ENPP2: variants seen among roughly 807,000 people sequenced by gnomAD.
The protein encoded by ENPP2 is autotaxin.
ENPP2 carries 51 observed loss-of-function variants against 120.2 expected under a neutral mutation model. The ratio of observed to expected loss-of-function variants is 0.42; its 90% CI spans 0.34 to 0.54. The LOEUF is 0.54. Ranked by LOEUF, ENPP2 falls within the 20% of genes least tolerant of loss-of-function variation. The pLI is 0.04. For missense variants in ENPP2, 920 were observed against 1,066.5 expected, an observed-to-expected ratio of 0.86 and a Z score of 1.91; for synonymous variants, 365 against 366.4, an observed-to-expected ratio of 1.00 and a Z score of 0.04.
chr8:119,640,749 G>T (rs970468514), upstream of ENPP2, among the ~76,000 whole-genome samples: 1 of 151,830 alleles, frequency 6.6e-6, no homozygotes. Flanking sequence ...GTTTTTGTTT[G>T]TTTATTTGTT....
rs762266526 is a variant in ENPP2 at position 119,582,622 on chromosome 8, G to C, written c.1544-20C>G. 3 of 1,553,126 alleles carry C rather than the reference G, an allele frequency of 1.9e-6. No individual in the cohort carries two copies. The highest frequency in any genetic ancestry group is 1.7e-4 in the Middle Eastern group (1 of 5,908). ...GGAGATCTAATGAAAATTAAGAAAA[G>C]GAGGCAGGTGCTTCTTATATTTTTT... is the stretch of plus-strand genomic sequence containing the variant. On this transcript the variant is annotated intron_variant, in intron 17 of 24. Transcript: ENST00000075322.
At chr8:119,673,266 G>A in exon 1 of ENPP2, 1 of 1,535,306 alleles carries the variant, frequency 6.5e-7, no homozygotes, top group Non-Finnish European at 8.7e-7. Flanking sequence ...TCGGCGTGGC[G>A]GGTCATGCTG....
chr8:119,593,894 T>A, intron 11 of ENPP2, 34 bp from the exon 12 acceptor site: 1 of 1,215,592 alleles, frequency 8.2e-7, no homozygotes, highest in Non-Finnish European at 1.2e-6. Flanking sequence ...CCCCACAGGG[T>A]TTTCTTTCTT....
exon 1 of ENPP2, chr8:119,673,332 G>A (rs1246529720): frequency 2.0e-6 from 3 of 1,531,456 alleles, no homozygotes; most frequent in Non-Finnish European, 2.6e-6. Flanking sequence ...CTGGGCTGCA[G>A]CCCCGCGACC....
At chr8:119,615,487 G>A (rs1258551889) in intron 8 of ENPP2, among the ~76,000 whole-genome samples, 1 of 152,118 alleles carries the variant, frequency 6.6e-6, no homozygotes, top group East Asian at 1.9e-4. Flanking sequence ...ACGGTCACAG[G>A]AAAAACATTA....
chr8:119,569,621 A>T (rs1161149169), intron 20 of ENPP2, among the ~76,000 whole-genome samples: 1 of 152,102 alleles, frequency 6.6e-6, no homozygotes, highest in African/African-American at 2.4e-5. Flanking sequence ...CAATATAGAA[A>T]GCAGAACATA....
intron 19 of ENPP2, chr8:119,573,134 A>T (rs897021386): frequency 2.0e-5 from 3 of 152,226 alleles, no homozygotes; most frequent in Admixed American, 2.0e-4. Context: ...TCTGCCGGGC[A>T]TGGTGGATCA....
intron 19 of ENPP2, chr8:119,578,353 T>G (rs1400702157): frequency 6.6e-6 from 1 of 152,114 alleles, no homozygotes; most frequent in Non-Finnish European, 1.5e-5. Flanking sequence ...TGTGCCCGGC[T>G]GAGGTTATTG....
chr8:119,568,258 C>T lies in ENPP2; in HGVS notation c.2054-6G>A. ...CTCTGGTGAAGAGCTCAGATCTAAA[C>T]ATTAGGAAAACAAATAGTATACGTT... On this transcript the variant is annotated splice_region_variant and splice_polypyrimidine_tract_variant and intron_variant, in intron 21 of 24. Coordinates refer to ENST00000075322, the MANE Select transcript of ENPP2 (RefSeq NM_001040092.3). The T allele has an allele frequency of 6.6e-7, 1 of 1,509,216 alleles. No homozygotes were observed. Among genetic ancestry groups the T allele is most frequent in the Non-Finnish European group, 9.1e-7 (1 of 1,093,962 alleles). 93.5% of individuals were successfully genotyped at this position (1,509,216 alleles called of 1,614,324 possible).
intron 18 of ENPP2, 81 bp downstream of exon 18, chr8:119,582,337 A>T (rs1812805483): frequency 1.9e-6 from 2 of 1,077,456 alleles, no homozygotes; most frequent in Admixed American, 2.0e-5. Flanking sequence ...GACCATGTCC[A>T]TTGTCACAGA....
At chr8:119,570,965 T>C (rs1814927941) in intron 19 of ENPP2, 124 bp from the exon 20 acceptor site, 1 of 506,802 alleles carries the variant, frequency 2.0e-6, no homozygotes, top group Non-Finnish European at 3.3e-6. Flanking sequence ...TATAGCACCT[T>C]CTCCTTAATT....
intron 15 of ENPP2, 48 bp downstream of exon 15, chr8:119,586,138 G>A (rs765395853): frequency 3.2e-6 from 5 of 1,586,884 alleles, no homozygotes; most frequent in Admixed American, 1.7e-5. Context: ...AGTTGCCAAA[G>A]GGGTGGTTGT....
chr8:119,612,828 T>C (rs1468761810), intron 8 of ENPP2, among the ~76,000 whole-genome samples: 1 of 152,182 alleles, frequency 6.6e-6, no homozygotes, highest in Non-Finnish European at 1.5e-5. Context: ...AGGCTGAGAC[T>C]GCAGTGAGCC....
intron 1 of ENPP2, among the ~76,000 whole-genome samples, chr8:119,672,589 G>A (rs890730169): frequency 2.0e-5 from 3 of 152,110 alleles, no homozygotes; most frequent in Non-Finnish European, 2.9e-5. Context: ...TTAAGACCCA[G>A]GGCTCCCTCT....
intron 2 of ENPP2, among the ~76,000 whole-genome samples, chr8:119,636,846 T>C (rs1817028934): frequency 1.3e-5 from 2 of 151,994 alleles, no homozygotes; most frequent in African/African-American, 4.8e-5. Flanking sequence ...ATTGTACAGC[T>C]AAGGAAACAG....
At chr8:119,591,829 CTACT>C (rs1415670783) in intron 12 of ENPP2, among the ~76,000 whole-genome samples, 2 of 152,180 alleles carry the variant, frequency 1.3e-5, no homozygotes, top group African/African-American at 4.8e-5. Context: ...CAATGAAGAG[CTACT>C]ATGTTTTAGT....
rs149181486 is a variant in ENPP2 at position 119,638,433 on chromosome 8, G to A, written c.128C>T (p.Pro43Leu). Residue 43 changes from proline to leucine, a missense_variant, in exon 2 of 25, where the codon CCT becomes CTT. Pro to Leu is a moderately conservative substitution (Grantham distance 98). Transcript: ENST00000075322. ...ATAGTTTTGACACTTACCTGTAGGA[G>A]GACCTTCCTCCCATCCTTCTGCTCT... ...IKRAEGWEEGPPTVLSDSPWT... is the reference protein window; with the variant it reads ...IKRAEGWEEGLPTVLSDSPWT... 4.8e-4 allele frequency: 761 copies of A among 1,573,730 alleles called. 2 individuals are homozygous for A. In the African/African-American group the frequency reaches 8.8e-3, roughly 18 times the overall value.
intron 13 of ENPP2, among the ~76,000 whole-genome samples, chr8:119,589,270 G>C (rs1813335184): frequency 6.6e-6 from 1 of 152,172 alleles, no homozygotes; most frequent in Admixed American, 6.5e-5. Context: ...TGAGTACCGA[G>C]CAGAGCTGAG....
chr8:119,605,588 G>C (rs1368573549), intron 9 of ENPP2, among the ~76,000 whole-genome samples: 4 of 151,188 alleles, frequency 2.6e-5, no homozygotes, highest in African/African-American at 9.7e-5. Context: ...AGCCTCCCAG[G>C]TAGCTGGGAT....
Sources: gnomAD v4.1 joint callset for allele counts (sites outside exome capture counted in the v4.1 genomes callset) on GRCh38, gnomAD v4.1.1 for gene constraint, MANE v1.5 for transcripts, NCBI Gene and HGNC (gene_info 2026-07-23, HGNC 2026-07-21) for gene names.